PCDH9: variants seen among roughly 807,000 people sequenced by gnomAD.
PCDH9 encodes protocadherin 9.
In PCDH9, 24 loss-of-function variants were observed where a neutral mutation model predicts 70.6. The observed-to-expected ratio is 0.34, with a 90% CI of 0.25 to 0.48. The LOEUF is 0.48. PCDH9 is among the 20% of genes least tolerant of loss of function. The pLI is 0.99. For missense variants in PCDH9, 1,281 were observed against 1,503.6 expected, an observed-to-expected ratio of 0.85 and a Z score of 2.45; for synonymous variants, 562 against 558.5, an observed-to-expected ratio of 1.01 and a Z score of -0.09.
chr13:66,760,418 G>C (rs1566175934), intron 3 of PCDH9, among the ~76,000 whole-genome samples: 1 of 152,164 alleles, frequency 6.6e-6, no homozygotes, highest in Non-Finnish European at 1.5e-5. Context: ...AGCTATGGCA[G>C]AAGAACATAA....
chr13:66,448,994 C>G (rs1958151390), intron 4 of PCDH9, among the ~76,000 whole-genome samples: 1 of 152,130 alleles, frequency 6.6e-6, no homozygotes, highest in South Asian at 2.1e-4. Context: ...CAGCCCCCAG[C>G]AGAAGTGAGA....
At chr13:66,492,682 T>C (rs1345655966) in intron 4 of PCDH9, among the ~76,000 whole-genome samples, 1 of 151,970 alleles carries the variant, frequency 6.6e-6, no homozygotes, top group Non-Finnish European at 1.5e-5. Context: ...CACTCAGAGA[T>C]GGTGGAAGCC....
At chr13:66,749,985 G>A (rs1377253013) in intron 3 of PCDH9, among the ~76,000 whole-genome samples, 3 of 152,074 alleles carry the variant, frequency 2.0e-5, no homozygotes, top group Non-Finnish European at 4.4e-5. Context: ...AGAAAAAAAT[G>A]AAGTAAAAAT....
chr13:66,747,712 AT>A (rs2079393490), intron 3 of PCDH9, among the ~76,000 whole-genome samples: 1 of 152,152 alleles, frequency 6.6e-6, no homozygotes, highest in South Asian at 2.1e-4. Context: ...CTCAATGTAT[AT>A]TTTTTCAGAT....
intron 2 of PCDH9, among the ~76,000 whole-genome samples, chr13:66,941,681 T>C (rs990099321): frequency 6.6e-6 from 1 of 151,932 alleles, no homozygotes; most frequent in African/African-American, 2.4e-5. Flanking sequence ...TAATGATGTT[T>C]ATTAAGAGAA....
At chr13:67,187,377 G>C (rs368007191) in intron 2 of PCDH9, among the ~76,000 whole-genome samples, 1 of 152,170 alleles carries the variant, frequency 6.6e-6, no homozygotes, top group Non-Finnish European at 1.5e-5. Context: ...AAGTGTCCGC[G>C]AATGGATTTG....
chr13:67,101,680 T>A (rs552752611), intron 2 of PCDH9, among the ~76,000 whole-genome samples: 23 of 152,230 alleles, frequency 1.5e-4, no homozygotes, highest in Non-Finnish European at 3.2e-4. Context: ...TCTGTAACTA[T>A]CACTCAATGA....
chr13:66,576,571 C>T (rs1350433673), intron 4 of PCDH9, among the ~76,000 whole-genome samples: 2 of 152,070 alleles, frequency 1.3e-5, no homozygotes, highest in Non-Finnish European at 2.9e-5. Flanking sequence ...ACAGCATTCA[C>T]ACCATAACTG....
At chr13:67,127,297 C>T (rs183504188) in intron 2 of PCDH9, among the ~76,000 whole-genome samples, 2 of 152,276 alleles carry the variant, frequency 1.3e-5, no homozygotes, top group Admixed American at 1.3e-4. Context: ...TCCAAGGCCA[C>T]TTTGTGAACC....
At chr13:66,430,015 A>G (rs1405779833) in intron 4 of PCDH9, among the ~76,000 whole-genome samples, 3 of 152,098 alleles carry the variant, frequency 2.0e-5, no homozygotes, top group Non-Finnish European at 4.4e-5. Context: ...GCTCTCTTGT[A>G]TATAGATAGA....
At chr13:66,963,146 G>A (rs2139729437) in intron 2 of PCDH9, among the ~76,000 whole-genome samples, 1 of 152,292 alleles carries the variant, frequency 6.6e-6, no homozygotes, top group East Asian at 1.9e-4. Context: ...AGCTCAGGCG[G>A]TAATGTGAGC....
intron 2 of PCDH9, chr13:67,211,026 T>C (rs1177482190): frequency 6.6e-6 from 1 of 152,006 alleles, no homozygotes; most frequent in African/African-American, 2.4e-5. Flanking sequence ...GTCTGTATCT[T>C]CCTAAGCTTA....
intron 3 of PCDH9, among the ~76,000 whole-genome samples, chr13:66,826,669 T>C (rs935668248): frequency 7.2e-5 from 11 of 152,232 alleles, no homozygotes; most frequent in Admixed American, 4.6e-4. Flanking sequence ...AAATAAAATA[T>C]TAGTGTTATA....
chr13:67,046,499 T>C (rs2085224359), intron 2 of PCDH9, among the ~76,000 whole-genome samples: 2 of 152,144 alleles, frequency 1.3e-5, no homozygotes, highest in South Asian at 2.1e-4. Context: ...TTCACAATGA[T>C]CAATGTAAAA....
intron 2 of PCDH9, among the ~76,000 whole-genome samples, chr13:66,922,557 C>G (rs2082653718): frequency 1.3e-5 from 2 of 151,450 alleles, no homozygotes; most frequent in Non-Finnish European, 3.0e-5. Flanking sequence ...CCAGAAGTAA[C>G]TTCCTTATGT....
At chr13:66,936,303 C>T (rs1566304970) in intron 2 of PCDH9, among the ~76,000 whole-genome samples, 1 of 152,122 alleles carries the variant, frequency 6.6e-6, no homozygotes, top group Non-Finnish European at 1.5e-5. Context: ...TAACCATTTT[C>T]TAATTTGAAA....
intron 4 of PCDH9, among the ~76,000 whole-genome samples, chr13:66,420,239 G>A (rs182819346): frequency 3.3e-5 from 5 of 152,280 alleles, no homozygotes; most frequent in Admixed American, 3.3e-4. Context: ...GCAGCTGTGG[G>A]TGCAGCTTCA....
At chr13:66,917,737 A>G (rs1257861208) in intron 2 of PCDH9, among the ~76,000 whole-genome samples, 1 of 151,454 alleles carries the variant, frequency 6.6e-6, no homozygotes. Context: ...AAAATGCCTC[A>G]GAGTAATAAT....
intron 2 of PCDH9, among the ~76,000 whole-genome samples, chr13:66,967,730 T>C (rs1017602310): frequency 2.0e-5 from 3 of 152,094 alleles, no homozygotes; most frequent in African/African-American, 7.2e-5. Context: ...AGTTTTAATT[T>C]GATCATTGTA....
Sources: gnomAD v4.1 joint callset for allele counts (sites outside exome capture counted in the v4.1 genomes callset) on GRCh38, gnomAD v4.1.1 for gene constraint, MANE v1.5 for transcripts, NCBI Gene and HGNC (gene_info 2026-07-23, HGNC 2026-07-21) for gene names.